CCNJL: variants seen among roughly 807,000 people sequenced by gnomAD.
CCNJL encodes the protein cyclin J like.
In CCNJL, 33 loss-of-function variants were observed where a neutral mutation model predicts 33.4. The ratio of observed to expected loss-of-function variants is 0.99; its 90% confidence interval spans 0.75 to 1.32. The LOEUF is 1.32. CCNJL is among the 40% of genes most tolerant of loss of function. CCNJL has a pLI of 0.00. For missense variants in CCNJL, 512 were observed against 499.7 expected, an observed-to-expected ratio of 1.02 and a Z score of -0.23; for synonymous variants, 227 against 220.9, an observed-to-expected ratio of 1.03 and a Z score of -0.24.
chr5:160,262,392 C>T (rs1355804118), intron 3 of CCNJL, among the ~76,000 whole-genome samples: 2 of 152,244 alleles, frequency 1.3e-5, no homozygotes, highest in African/African-American at 4.8e-5. Flanking sequence ...TCTGATTTCA[C>T]CTGCTCCCTC....
At chr5:160,263,264 C>T (rs747692164) in intron 3 of CCNJL, among the ~76,000 whole-genome samples, 1 of 152,218 alleles carries the variant, frequency 6.6e-6, no homozygotes, top group Admixed American at 6.5e-5. Context: ...CATTTTCCTA[C>T]AAATTGTAAT....
chr5:160,259,505 CCTT>C lies in CCNJL; in HGVS notation c.544_546del (p.Lys182del). The C allele has an allele frequency of 6.2e-7, 1 of 1,614,046 alleles. No homozygotes were observed. Among genetic ancestry groups the C allele is most frequent in the Non-Finnish European group, 8.5e-7 (1 of 1,179,978 alleles). ...ACCTCTAGGAAGTAATGGGCATACTCCTTGAGGCACTCTTTGGTCTTGCGGGGG... is the reference window on the plus strand; with the variant it reads ...ACCTCTAGGAAGTAATGGGCATACTCGAGGCACTCTTTGGTCTTGCGGGGG... On this transcript the variant is annotated inframe_deletion, in exon 4 of 6. Transcript: ENST00000257536.
At chr5:160,327,640 C>T (rs554159135) in intron 1 of CCNJL, among the ~76,000 whole-genome samples, 221 of 152,322 alleles carry the variant, frequency 1.5e-3, no homozygotes, top group Non-Finnish European at 1.3e-3. Flanking sequence ...GATATGGCCC[C>T]CGTCCTTCAG....
chr5:160,317,119 A>C (rs899156951), upstream of CCNJL, among the ~76,000 whole-genome samples: 3 of 152,224 alleles, frequency 2.0e-5, no homozygotes, highest in Non-Finnish European at 2.9e-5. Flanking sequence ...TCTTTAACCA[A>C]AAACCAATCC....
At chr5:160,263,242 C>T (rs1397791342) in intron 3 of CCNJL, among the ~76,000 whole-genome samples, 4 of 152,168 alleles carry the variant, frequency 2.6e-5, no homozygotes, top group Non-Finnish European at 4.4e-5. Flanking sequence ...CTTCAGCATC[C>T]GTTCCTGAGG....
In CCNJL at chr5:160,294,279, T is replaced by G. The variant is rs897491498; in HGVS notation, c.67-13541A>C. Among the ~76,000 whole-genome samples the G allele has an allele frequency of 2.0e-5, 3 of 152,158 alleles. No homozygotes were observed. In the South Asian group the frequency reaches 6.2e-4, roughly 31 times the overall value. ...TTTCCGTAAAGCATCAACACCTCTG[T>G]GGGAACACTATTTCAACATTCTTGA... On this transcript the variant is annotated intron_variant, in intron 2 of 5. Transcript: ENST00000257536.
chr5:160,315,318 AAC>A (rs57432164), upstream of CCNJL: 18,639 of 103,776 alleles, frequency 0.18, 1,792 homozygotes, highest in East Asian at 0.28. Flanking sequence ...CCCGCCCCCC[AAC>A]ACACACACAC....
At position 160,253,373 on chromosome 5, in the gene CCNJL, G is replaced by T. The variant is rs756009636; in HGVS notation, c.*5C>A. 2 of 1,567,888 alleles carry T rather than the reference G, an allele frequency of 1.3e-6. No homozygotes were observed. The highest frequency in any genetic ancestry group is 2.4e-5 in the South Asian group (2 of 82,476). ...CAAGGCTTCCTCGTGAGGTCTGGAG[G>T]TGGCCTATCTGTCAAAGCAGCCGGT... On this transcript the variant is annotated 3_prime_UTR_variant, in exon 6 of 6. Transcript: ENST00000257536.
At chr5:160,293,033 T>C (rs1305906859) in intron 2 of CCNJL, among the ~76,000 whole-genome samples, 1 of 152,274 alleles carries the variant, frequency 6.6e-6, no homozygotes, top group Non-Finnish European at 1.5e-5. Flanking sequence ...CTGGGTCTTC[T>C]GACTCTACTG....
At chr5:160,271,306 T>G (rs775394744) in intron 3 of CCNJL, among the ~76,000 whole-genome samples, 14 of 152,064 alleles carry the variant, frequency 9.2e-5, no homozygotes, top group Non-Finnish European at 1.6e-4. Flanking sequence ...ACACCGCATG[T>G]TCAATTAATT....
At chr5:160,339,036 C>T (rs376316977) in intron 1 of CCNJL, among the ~76,000 whole-genome samples, 1 of 152,104 alleles carries the variant, frequency 6.6e-6, no homozygotes, top group Non-Finnish European at 1.5e-5. Context: ...ATCCACCCAC[C>T]TCGGACTCCC....
At chr5:160,299,672 G>GT (rs1392247870) in intron 2 of CCNJL, among the ~76,000 whole-genome samples, 17 of 151,462 alleles carry the variant, frequency 1.1e-4, no homozygotes, top group Admixed American at 2.0e-4. Context: ...CACACTGTCT[G>GT]GGGGAGCAGA....
chr5:160,250,899 C>A lies in CCNJL; in HGVS notation c.*2479G>T, dbSNP rs1194647773. ...TTATGTTATTTAATCCTCTTAAGAA[C>A]CCTATGAGGCAAGGTGTTATCACTC... is the stretch of plus-strand genomic sequence containing the variant. On this transcript the variant is annotated 3_prime_UTR_variant, in exon 6 of 6. Transcript: ENST00000257536. The A allele has an allele frequency of 6.6e-6, 1 of 152,048 alleles. No individual in the cohort carries two copies. Among genetic ancestry groups the A allele is most frequent in the Admixed American group, 6.6e-5 (1 of 15,260 alleles). The allele number at this position is 152,048 out of a possible 1,614,324, so 9.4% of individuals were successfully genotyped here.
intron 4 of CCNJL, among the ~76,000 whole-genome samples, chr5:160,259,041 GAGTTTCA>G (rs112619393): frequency 0.052 from 7,952 of 152,204 alleles, 655 homozygotes; most frequent in African/African-American, 0.18. Flanking sequence ...TGGGAAGACT[GAGTTTCA>G]AGTTTCAAGT....
chr5:160,264,327 G>A (rs1761481989), intron 3 of CCNJL, among the ~76,000 whole-genome samples: 1 of 152,136 alleles, frequency 6.6e-6, no homozygotes. Context: ...CAGTGTTGGT[G>A]GTGACGGTGG....
chr5:160,324,941 T>C (rs1763516901), intron 1 of CCNJL, among the ~76,000 whole-genome samples: 1 of 152,216 alleles, frequency 6.6e-6, no homozygotes, highest in Non-Finnish European at 1.5e-5. Flanking sequence ...CCAAACCTTT[T>C]CTCCCTTTGC....
intron 1 of CCNJL, among the ~76,000 whole-genome samples, chr5:160,325,883 C>T (rs1163127993): frequency 6.6e-6 from 1 of 151,604 alleles, no homozygotes; most frequent in Non-Finnish European, 1.5e-5. Flanking sequence ...ACAGCCCCAC[C>T]CATTTGTTTA....
intron 1 of CCNJL, 50 bp from the exon 2 acceptor site, chr5:160,312,022 A>C (rs1471373495): frequency 8.4e-7 from 1 of 1,188,024 alleles, no homozygotes; most frequent in Admixed American, 1.8e-5. Context: ...CCGGGCTCCG[A>C]CCCCCGGTGT....
intron 3 of CCNJL, chr5:160,269,399 T>A: frequency 4.4e-6 from 2 of 456,490 alleles, no homozygotes; most frequent in Non-Finnish European, 8.8e-6. Context: ...GGATAGGAGT[T>A]ATCTCCTGTC....
Sources: allele counts gnomAD v4.1 joint callset (sites outside exome capture counted in the v4.1 genomes callset), GRCh38; gene constraint gnomAD v4.1.1; transcripts MANE v1.5; gene names NCBI Gene and HGNC (gene_info 2026-07-23, HGNC 2026-07-21).